Variants in C1orf21 observed in about 807,000 individuals in gnomAD.
The protein encoded by C1orf21 is chromosome 1 open reading frame 21, also known as uncharacterized protein C1orf21.
Under a neutral mutation model 18.7 loss-of-function variants are expected in C1orf21, and 3 were observed. The ratio of observed to expected loss-of-function variants is 0.16; its 90% confidence interval spans 0.07 to 0.42. C1orf21 has a LOEUF of 0.42. C1orf21 is among the 10% of genes least tolerant of loss of function. C1orf21 has a pLI of 0.99. For missense variants in C1orf21, 104 were observed against 143.6 expected (o/e 0.72, Z 1.41); for synonymous variants, 41 against 46.4 (o/e 0.88, Z 0.47).
At chr1:184,555,536 C>G (rs1658865892) in intron 3 of C1orf21, among the ~76,000 whole-genome samples, 2 of 118,230 alleles carry the variant, frequency 1.7e-5, no homozygotes, top group South Asian at 5.0e-4. Flanking sequence ...CCCACACACC[C>G]TCACACATAC....
intron 1 of C1orf21, among the ~76,000 whole-genome samples, chr1:184,403,436 A>G (rs1656196510): frequency 6.6e-6 from 1 of 152,232 alleles, no homozygotes. Context: ...TAAGAAAAGC[A>G]GGGGAAGATT....
At chr1:184,521,438 C>T (rs1278475231) in intron 3 of C1orf21, among the ~76,000 whole-genome samples, 1 of 151,986 alleles carries the variant, frequency 6.6e-6, no homozygotes, top group Non-Finnish European at 1.5e-5. Context: ...TGGAATATTA[C>T]TTAGTAATAA....
intron 3 of C1orf21, among the ~76,000 whole-genome samples, chr1:184,517,659 AAG>A (rs201303208): frequency 0.02 from 3,025 of 152,278 alleles, 87 homozygotes; most frequent in Admixed American, 0.073. Context: ...GATGAATTAT[AAG>A]AGAGAGTTCT....
chr1:184,551,253 T>C (rs1658808567), intron 3 of C1orf21, among the ~76,000 whole-genome samples: 1 of 152,096 alleles, frequency 6.6e-6, no homozygotes, highest in Admixed American at 6.5e-5. Context: ...ATCATGTTTT[T>C]AAAAAATCCA....
chr1:184,414,602 G>C (rs1387358382), intron 1 of C1orf21, among the ~76,000 whole-genome samples: 2 of 149,280 alleles, frequency 1.3e-5, no homozygotes, highest in African/African-American at 4.9e-5. Flanking sequence ...CCTTCTGGTA[G>C]GAAAAAAAAA....
At chr1:184,437,175 CCT>C (rs1465872864) in intron 1 of C1orf21, among the ~76,000 whole-genome samples, 2 of 152,042 alleles carry the variant, frequency 1.3e-5, no homozygotes, top group Admixed American at 6.6e-5. Flanking sequence ...TATCTAGCTC[CCT>C]CTCTCTGTCT....
intron 5 of C1orf21, among the ~76,000 whole-genome samples, chr1:184,614,586 G>A (rs1449146976): frequency 6.6e-6 from 1 of 151,950 alleles, no homozygotes; most frequent in Non-Finnish European, 1.5e-5. Context: ...TGGGTGGGGC[G>A]GGGTGGGGGT....
At chr1:184,513,159 G>T (rs910270828) in intron 3 of C1orf21, among the ~76,000 whole-genome samples, 5 of 152,322 alleles carry the variant, frequency 3.3e-5, no homozygotes, top group African/African-American at 9.6e-5. Context: ...TGTCAAAAAG[G>T]TTGGGGACCA....
intron 1 of C1orf21, among the ~76,000 whole-genome samples, chr1:184,444,931 G>T (rs967405823): frequency 6.6e-6 from 1 of 152,064 alleles, no homozygotes; most frequent in African/African-American, 2.4e-5. Context: ...TATCCTCAGC[G>T]TATTAACACC....
At chr1:184,507,547 G>GA (rs768672730) in intron 2 of C1orf21, 41 bp from the exon 3 acceptor site, 5 of 1,527,484 alleles carry the variant, frequency 3.3e-6, no homozygotes, top group South Asian at 2.5e-5. Context: ...CTACTATTGG[G>GA]AAAAAAATTA....
chr1:184,560,231 A>G (rs909865350), intron 3 of C1orf21, among the ~76,000 whole-genome samples: 3 of 152,172 alleles, frequency 2.0e-5, no homozygotes, highest in East Asian at 1.9e-4. Flanking sequence ...AAAAAAAAGG[A>G]TATGTTTGCC....
chr1:184,437,758 A>G (rs1292133414), intron 1 of C1orf21, among the ~76,000 whole-genome samples: 1 of 152,084 alleles, frequency 6.6e-6, no homozygotes, highest in Non-Finnish European at 1.5e-5. Context: ...TTACATTGTA[A>G]TATATAATGA....
chr1:184,515,436 A>G (rs1412703982), intron 3 of C1orf21, among the ~76,000 whole-genome samples: 6 of 152,270 alleles, frequency 3.9e-5, no homozygotes, highest in South Asian at 4.2e-4. Flanking sequence ...TGATTAACAG[A>G]TTAGGACTGT....
intron 2 of C1orf21, among the ~76,000 whole-genome samples, chr1:184,484,389 A>G (rs992652830): frequency 6.6e-6 from 1 of 152,244 alleles, no homozygotes; most frequent in Non-Finnish European, 1.5e-5. Flanking sequence ...TTTTCCAAAT[A>G]TAAACTTTTA....
At chr1:184,600,446 C>T (rs894147840) in intron 5 of C1orf21, among the ~76,000 whole-genome samples, 14 of 152,094 alleles carry the variant, frequency 9.2e-5, no homozygotes, top group African/African-American at 2.9e-4. Flanking sequence ...GGATTATGGG[C>T]GTTGAGCCAC....
At chr1:184,572,948 CTCA>C (rs1659134062) in intron 3 of C1orf21, among the ~76,000 whole-genome samples, 1 of 95,260 alleles carries the variant, frequency 1.0e-5, no homozygotes, top group African/African-American at 7.8e-5. Context: ...GAGACTCCTT[CTCA>C]AAAAAAAAAA....
chr1:184,471,983 A>G (rs1447882601), intron 1 of C1orf21, among the ~76,000 whole-genome samples: 1 of 152,156 alleles, frequency 6.6e-6, no homozygotes, highest in Non-Finnish European at 1.5e-5. Flanking sequence ...GAAATGTGAA[A>G]TGGTGTTAAC....
rs111404082 is a variant in C1orf21, at chr1:184,515,973, C to T, written c.189+8291C>T. On this transcript the variant is annotated intron_variant, in intron 3 of 5. Coordinates refer to ENST00000235307, the MANE Select transcript of C1orf21 (RefSeq NM_030806.4). ...GATTACAGGCACCTGCCACCACGTC[C>T]GGCTAATTTTTGTATTTTTAGTAGA... is the stretch of plus-strand genomic sequence containing the variant. 9.1e-3 allele frequency among the ~76,000 whole-genome samples: 1,388 copies of T among 152,098 alleles called. 20 individuals carry two copies. The highest frequency in any genetic ancestry group is 0.03 in the African/African-American group (1,243 of 41,508).
chr1:184,491,238 T>C (rs1657812421), intron 2 of C1orf21, among the ~76,000 whole-genome samples: 1 of 152,198 alleles, frequency 6.6e-6, no homozygotes, highest in African/African-American at 2.4e-5. Context: ...TTTAGCATAG[T>C]GCTTTTTTTA....
Sources: allele counts gnomAD v4.1 joint callset (sites outside exome capture counted in the v4.1 genomes callset), GRCh38; gene constraint gnomAD v4.1.1; transcripts MANE v1.5; gene names NCBI Gene and HGNC (gene_info 2026-07-23, HGNC 2026-07-21).